The following KCNQ1OT1 variants were observed in gnomAD, a reference collection of about 807,000 sequenced individuals.
KCNQ1OT1 encodes the protein KCNQ1 antisense RNA 2 (non-protein coding).
exon 1 of KCNQ1OT1, chr11:2,618,161 T>C (rs1452394540): frequency 5.0e-6 from 2 of 398,376 alleles, no homozygotes; most frequent in African/African-American, 4.1e-5. Flanking sequence ...TGGTCTTATG[T>C]TTAGGTCTTT....
exon 1 of KCNQ1OT1, chr11:2,641,194 T>C: frequency 2.5e-6 from 1 of 398,542 alleles, no homozygotes; most frequent in Non-Finnish European, 4.4e-6. Flanking sequence ...AGTAGTGAGA[T>C]TGCTGGATTA....
At chr11:2,616,495 CCTT>C (rs1046572223) in exon 1 of KCNQ1OT1, 24 of 397,324 alleles carry the variant, frequency 6.0e-5, no homozygotes, top group African/African-American at 3.9e-4. Flanking sequence ...GGTTATGGAT[CCTT>C]CTTCTTTTTC....
exon 1 of KCNQ1OT1, chr11:2,614,272 T>A: frequency 5.0e-6 from 2 of 398,628 alleles, no homozygotes; most frequent in Non-Finnish European, 8.8e-6. Context: ...ACATGTGTTC[T>A]CCATGTTGAC....
In KCNQ1OT1 at chr11:2,691,458, T is replaced by G. The variant is rs1850586575; in HGVS notation, n.8537A>C. 1 of 398,576 alleles carries G rather than the reference T, an allele frequency of 2.5e-6. No homozygotes were observed. The highest frequency in any genetic ancestry group is 4.4e-6 in the Non-Finnish European group (1 of 226,050). 24.7% of individuals were successfully genotyped at this position (398,576 alleles called of 1,614,324 possible). Reference sequence around the variant, plus strand: ...CCTGCCCCCACTGAGTCTCTGATGTTGACAGCCTCTTTGTTTTTTCATCTC... The same window carrying G: ...CCTGCCCCCACTGAGTCTCTGATGTGGACAGCCTCTTTGTTTTTTCATCTC... On this transcript the variant is annotated non_coding_transcript_exon_variant, in exon 1 of 1. Transcript: ENST00000597346. The surrounding 1 kb of genome is among the most constrained non-coding windows in gnomAD (Gnocchi z 6.4).
rs1848957735 is a variant in KCNQ1OT1, at chr11:2,610,273, T to C, written n.89722A>G. 10 of 397,982 alleles carry C rather than the reference T, an allele frequency of 2.5e-5. No individual in the cohort carries two copies. The South Asian group carries it at 8.9e-4, about 35-fold the overall frequency. 24.7% of individuals were successfully genotyped at this position (397,982 alleles called of 1,614,324 possible). A position where few individuals can be genotyped will look rare whatever the true frequency, so the allele number is the denominator to read the frequency against. Reference sequence around the variant, plus strand: ...GTGAGATACAGAAGTTATTCCTGTATGAGTTTATTCAGTTTTACCACTTTT... The same window carrying C: ...GTGAGATACAGAAGTTATTCCTGTACGAGTTTATTCAGTTTTACCACTTTT... On this transcript the variant is annotated non_coding_transcript_exon_variant, in exon 1 of 1. Coordinates refer to ENST00000597346, the Ensembl canonical transcript of KCNQ1OT1.
rs995029953 is a variant in KCNQ1OT1 at position 2,687,387 on chromosome 11, G to A, written n.12608C>T. The A allele has an allele frequency of 2.5e-6, 1 of 398,672 alleles. No homozygotes were observed. Among genetic ancestry groups the A allele is most frequent in the Non-Finnish European group, 4.4e-6 (1 of 226,098 alleles). 24.7% of individuals were successfully genotyped at this position (398,672 alleles called of 1,614,324 possible). A position where few individuals can be genotyped will look rare whatever the true frequency, so the allele number is the denominator to read the frequency against. On this transcript the variant is annotated non_coding_transcript_exon_variant, in exon 1 of 1. Transcript: ENST00000597346. The surrounding 1 kb of genome is among the most constrained non-coding windows in gnomAD (Gnocchi z 5.0). ...GGGCTGTCACTCAGGGCTGAGCTCT[G>A]CTGAAGGATCTGGGAGGTCAGTAGG...
At position 2,653,159 on chromosome 11, in the gene KCNQ1OT1, C is replaced by T. The variant is rs1849783685; in HGVS notation, n.46836G>A. On this transcript the variant is annotated non_coding_transcript_exon_variant, in exon 1 of 1. Coordinates refer to ENST00000597346, the Ensembl canonical transcript of KCNQ1OT1. This position sits in a 1 kb window ranked among gnomAD's most constrained non-coding sequence, Gnocchi z 5.3. ...ACAGCAGTAGAAAGCCAATGTCCCA[C>T]CTTAGGAAATCCCTTTCCAAGAGTT... The T allele has an allele frequency of 5.0e-6, 2 of 398,626 alleles. No individual in the cohort carries two copies. The highest frequency in any genetic ancestry group is 2.5e-4 in the South Asian group (2 of 7,870). 24.7% of individuals were successfully genotyped at this position (398,626 alleles called of 1,614,324 possible).
Position 2,674,986 on chromosome 11 carries a change from C to A in KCNQ1OT1, n.25009G>T, listed in dbSNP as rs1467734800. ...TTCTCTTCGTTTCCTCTTACAGTGGCGGGCACTCAGCCGGCTTCTTCCCGC... is the reference window on the plus strand; with the variant it reads ...TTCTCTTCGTTTCCTCTTACAGTGGAGGGCACTCAGCCGGCTTCTTCCCGC... On this transcript the variant is annotated non_coding_transcript_exon_variant, in exon 1 of 1. Coordinates refer to ENST00000597346, the Ensembl canonical transcript of KCNQ1OT1. The surrounding 1 kb of genome is among the most constrained non-coding windows in gnomAD (Gnocchi z 5.9). 1.0e-5 allele frequency: 4 copies of A among 398,402 alleles called. No individual in the cohort carries two copies. The Admixed American group carries it at 1.8e-4, about 18-fold the overall frequency. 24.7% of individuals were successfully genotyped at this position (398,402 alleles called of 1,614,324 possible). A position where few individuals can be genotyped will look rare whatever the true frequency, so the allele number is the denominator to read the frequency against.
chr11:2,665,683 C>G (rs181308953), exon 1 of KCNQ1OT1: 2 of 398,136 alleles, frequency 5.0e-6, no homozygotes, highest in Admixed American at 8.8e-5. Flanking sequence ...TCGAATGGTG[C>G]CAGGAGGGAG....
chr11:2,623,099 G>A lies in KCNQ1OT1; in HGVS notation n.76896C>T, dbSNP rs1172548812. 1 of 398,512 alleles carries A rather than the reference G, an allele frequency of 2.5e-6. No individual in the cohort carries two copies. The highest frequency in any genetic ancestry group is 4.4e-6 in the Non-Finnish European group (1 of 226,090). The allele number at this position is 398,512 out of a possible 1,614,324, so 24.7% of individuals were successfully genotyped here. A position where few individuals can be genotyped will look rare whatever the true frequency, so the allele number is the denominator to read the frequency against. On this transcript the variant is annotated non_coding_transcript_exon_variant, in exon 1 of 1. Transcript: ENST00000597346. The surrounding 1 kb of genome is among the most constrained non-coding windows in gnomAD (Gnocchi z 5.2). ...TAGTGAGTTCTCATGAGATCTGGTT[G>A]TTTAAACGTGTGTGGCACTTCCCAT...
At chr11:2,689,632 C>T in exon 1 of KCNQ1OT1, 1 of 398,686 alleles carries the variant, frequency 2.5e-6, no homozygotes, top group Non-Finnish European at 4.4e-6. Context: ...ACAAAACAAG[C>T]CAGCAGGTGC....
At position 2,676,011 on chromosome 11, in the gene KCNQ1OT1, C is replaced by T; in HGVS notation, n.23984G>A. On this transcript the variant is annotated non_coding_transcript_exon_variant, in exon 1 of 1. Coordinates refer to ENST00000597346, the Ensembl canonical transcript of KCNQ1OT1. This position sits in a 1 kb window ranked among gnomAD's most constrained non-coding sequence, Gnocchi z 4.2. ...CACCCAACCCTAATTCCCAAGTTTC[C>T]TTCCCTAAAGGTTACCACTCAACAC... 1 of 398,674 alleles carries T rather than the reference C, an allele frequency of 2.5e-6. No homozygotes were observed. Among genetic ancestry groups the T allele is most frequent in the Admixed American group, 4.4e-5 (1 of 22,744 alleles). 24.7% of individuals were successfully genotyped at this position (398,674 alleles called of 1,614,324 possible).
chr11:2,668,137 G>T lies in KCNQ1OT1; in HGVS notation n.31858C>A. The T allele has an allele frequency of 2.5e-6, 1 of 398,574 alleles. No homozygotes were observed. Among genetic ancestry groups the T allele is most frequent in the South Asian group, 1.3e-4 (1 of 7,848 alleles). 24.7% of individuals were successfully genotyped at this position (398,574 alleles called of 1,614,324 possible). ...TTGATGTCTGGCAGCCTCTCTATGG[G>T]GCTGAAGGGAGAGTGCTCCCTCATG... On this transcript the variant is annotated non_coding_transcript_exon_variant, in exon 1 of 1. Transcript: ENST00000597346. The surrounding 1 kb of genome is among the most constrained non-coding windows in gnomAD (Gnocchi z 4.3).
chr11:2,646,740 T>C (rs1472655166), exon 1 of KCNQ1OT1: 12 of 398,508 alleles, frequency 3.0e-5, no homozygotes, highest in East Asian at 2.1e-4. Context: ...AGTCTCAAAC[T>C]CCTGGGCTCA....
chr11:2,622,451 G>A (rs1185847253), exon 1 of KCNQ1OT1: 1 of 398,246 alleles, frequency 2.5e-6, no homozygotes, highest in African/African-American at 2.1e-5. Flanking sequence ...GACCAAAAGT[G>A]AGTTTGTTAT....
At position 2,612,226 on chromosome 11, in the gene KCNQ1OT1, T is replaced by C. The variant is rs1387893941; in HGVS notation, n.87769A>G. On this transcript the variant is annotated non_coding_transcript_exon_variant, in exon 1 of 1. Transcript: ENST00000597346. The surrounding 1 kb of genome is among the most constrained non-coding windows in gnomAD (Gnocchi z 5.5). ...TGAGCTCTGCCTCCTGTCTGATCAG[T>C]GATGGCATTAGATTCTCACAGAGAG... 8 of 398,476 alleles carry C rather than the reference T, an allele frequency of 2.0e-5. No homozygotes were observed. The highest frequency in any genetic ancestry group is 1.2e-4 in the African/African-American group (6 of 48,610). The allele number at this position is 398,476 out of a possible 1,614,324, so 24.7% of individuals were successfully genotyped here. A position where few individuals can be genotyped will look rare whatever the true frequency, so the allele number is the denominator to read the frequency against.
At position 2,687,909 on chromosome 11, in the gene KCNQ1OT1, C is replaced by T; in HGVS notation, n.12086G>A. 2.5e-6 allele frequency: 1 copy of T among 398,712 alleles called. No individual in the cohort carries two copies. The highest frequency in any genetic ancestry group is 4.4e-6 in the Non-Finnish European group (1 of 226,108). The allele number at this position is 398,712 out of a possible 1,614,324, so 24.7% of individuals were successfully genotyped here. A position where few individuals can be genotyped will look rare whatever the true frequency, so the allele number is the denominator to read the frequency against. Reference sequence around the variant, plus strand: ...CGGAAATCCTGGTGGGATGGAAAATCCCCAGCAGTTGTGAGGCTGCACTTC... The same window carrying T: ...CGGAAATCCTGGTGGGATGGAAAATTCCCAGCAGTTGTGAGGCTGCACTTC... On this transcript the variant is annotated non_coding_transcript_exon_variant, in exon 1 of 1. Transcript: ENST00000597346. The surrounding 1 kb of genome is among the most constrained non-coding windows in gnomAD (Gnocchi z 5.0).
exon 1 of KCNQ1OT1, chr11:2,629,155 T>C: frequency 2.5e-6 from 1 of 398,370 alleles, no homozygotes; most frequent in Non-Finnish European, 4.4e-6. Context: ...TGATAGGCAT[T>C]GCCTTGAATC....
In KCNQ1OT1 at chr11:2,608,967, T is replaced by C. The variant is rs1199352314; in HGVS notation, n.91028A>G. 13 of 398,550 alleles carry C rather than the reference T, an allele frequency of 3.3e-5. No homozygotes were observed. Among genetic ancestry groups the C allele is most frequent in the East Asian group, 1.8e-4 (5 of 28,080 alleles). The allele number at this position is 398,550 out of a possible 1,614,324, so 24.7% of individuals were successfully genotyped here. On this transcript the variant is annotated non_coding_transcript_exon_variant, in exon 1 of 1. Transcript: ENST00000597346. The surrounding 1 kb of genome is among the most constrained non-coding windows in gnomAD (Gnocchi z 4.6). Reference sequence around the variant, plus strand: ...CTCTTACCAATCTATCAAAGGTTTGTTAATTTCAAAGAACCAAATTTTGGA... The same window carrying C: ...CTCTTACCAATCTATCAAAGGTTTGCTAATTTCAAAGAACCAAATTTTGGA...
Sources: allele counts gnomAD v4.1 joint callset, GRCh38; gene constraint gnomAD v4.1.1; non-coding constraint Gnocchi (gnomAD v3.1); transcripts MANE v1.5; gene names NCBI Gene and HGNC (gene_info 2026-07-23, HGNC 2026-07-21).